The following MEGF11 variants were observed in gnomAD, a reference collection of about 807,000 sequenced individuals.
MEGF11 encodes multiple epidermal growth factor-like domains protein 11.
MEGF11 carries 126 observed loss-of-function variants against 146.6 expected under a neutral mutation model. That is an observed-to-expected ratio of 0.86 (90% CI 0.74 to 1.00). The LOEUF is 1.00. Ranked by LOEUF, MEGF11 falls within the 50% of genes least tolerant of loss-of-function variation. The probability of loss-of-function intolerance (pLI) is 0.00; values close to 1 mark genes in which losing one functional copy is unlikely to be tolerated. For synonymous variants in MEGF11, 532 were observed against 583.4 expected (o/e 0.91, Z 1.27); for missense variants, 1,509 against 1,521.2 (o/e 0.99, Z 0.13).
chr15:66,018,692 C>T (rs80101462), intron 5 of MEGF11, among the ~76,000 whole-genome samples: 1 of 64,868 alleles, frequency 1.5e-5, no homozygotes, highest in African/African-American at 4.2e-5. Flanking sequence ...CAAGTGTGCA[C>T]CTGTGCATGA....
At position 66,232,717 on chromosome 15, in the gene MEGF11, A is replaced by G. The variant is rs16949704; in HGVS notation, c.-9+20888T>C. On this transcript the variant is annotated intron_variant, in intron 1 of 25. Transcript: ENST00000395614. ...TGATTAGGGTCATGCGCCAAATGAAATGAGTGCCTATGAGGGAAAAGGAAA... is the reference window on the plus strand; with the variant it reads ...TGATTAGGGTCATGCGCCAAATGAAGTGAGTGCCTATGAGGGAAAAGGAAA... 4.0e-3 allele frequency among the ~76,000 whole-genome samples: 606 copies of G among 152,252 alleles called. 17 individuals are homozygous for G. In the East Asian group the frequency reaches 0.078, roughly 20 times the overall value.
At chr15:66,208,563 G>C (rs186853164) in intron 1 of MEGF11, among the ~76,000 whole-genome samples, 30 of 152,236 alleles carry the variant, frequency 2.0e-4, no homozygotes, top group African/African-American at 5.5e-4. Context: ...GGACAGGAGA[G>C]GATGAGATTG....
intron 1 of MEGF11, among the ~76,000 whole-genome samples, chr15:66,251,199 T>A (rs984828575): frequency 2.6e-5 from 4 of 152,220 alleles, no homozygotes; most frequent in African/African-American, 9.6e-5. Flanking sequence ...GTGCTGTGCT[T>A]TGACCAGCCG....
intron 5 of MEGF11, among the ~76,000 whole-genome samples, chr15:66,029,022 G>A (rs1195127745): frequency 6.6e-6 from 1 of 152,198 alleles, no homozygotes; most frequent in Non-Finnish European, 1.5e-5. Context: ...GGGGAGAAGG[G>A]TGATGTTTGG....
At chr15:65,965,622 T>TC (rs2081062585) in intron 8 of MEGF11, among the ~76,000 whole-genome samples, 6 of 138,472 alleles carry the variant, frequency 4.3e-5, no homozygotes, top group Admixed American at 7.3e-5. Flanking sequence ...TCTTTTTTTT[T>TC]TTTTTGGCTC....
intron 1 of MEGF11, among the ~76,000 whole-genome samples, chr15:66,232,893 G>C (rs886799011): frequency 6.6e-6 from 1 of 152,312 alleles, no homozygotes; most frequent in Non-Finnish European, 1.5e-5. Context: ...GAGGCTCAGA[G>C]AGGTTAACTA....
chr15:66,235,553 A>T (rs1197286854), intron 1 of MEGF11, among the ~76,000 whole-genome samples: 1 of 151,896 alleles, frequency 6.6e-6, no homozygotes, highest in Non-Finnish European at 1.5e-5. Context: ...CATGGCCAAG[A>T]GGGAGAATAG....
chr15:66,118,039 T>C (rs964210303), intron 4 of MEGF11, among the ~76,000 whole-genome samples: 7 of 152,264 alleles, frequency 4.6e-5, no homozygotes, highest in Non-Finnish European at 7.4e-5. Context: ...GTGCGAACTC[T>C]CTCTACCCAC....
At chr15:66,014,572 AC>A (rs1282443870) in intron 5 of MEGF11, among the ~76,000 whole-genome samples, 1 of 152,244 alleles carries the variant, frequency 6.6e-6, no homozygotes, top group African/African-American at 2.4e-5. Context: ...GGCACGAAAA[AC>A]CGCTTTGAGA....
At chr15:65,959,997 T>C (rs1047755052) in intron 9 of MEGF11, among the ~76,000 whole-genome samples, 16 of 152,226 alleles carry the variant, frequency 1.1e-4, no homozygotes, top group African/African-American at 2.9e-4. Context: ...TGCTAAGAGA[T>C]GTATTCAGTT....
intron 1 of MEGF11, among the ~76,000 whole-genome samples, chr15:66,169,953 G>T (rs2090202302): frequency 6.6e-6 from 1 of 151,882 alleles, no homozygotes; most frequent in South Asian, 2.1e-4. Context: ...ACTGCATAAA[G>T]TGTCCTTCTG....
At chr15:66,207,058 T>C (rs1250572710) in intron 1 of MEGF11, among the ~76,000 whole-genome samples, 1 of 152,000 alleles carries the variant, frequency 6.6e-6, no homozygotes, top group African/African-American at 2.4e-5. Flanking sequence ...CAGAAAGCCA[T>C]AATACGCCAT....
intron 4 of MEGF11, among the ~76,000 whole-genome samples, chr15:66,118,594 T>G (rs900107083): frequency 9.2e-5 from 14 of 152,208 alleles, no homozygotes; most frequent in African/African-American, 2.4e-4. Context: ...CATCTCATCT[T>G]TGCCCCCATC....
intron 7 of MEGF11, 37 bp downstream of exon 7, chr15:65,980,741 C>A: frequency 6.4e-7 from 1 of 1,553,198 alleles, no homozygotes; most frequent in Admixed American, 2.0e-5. Flanking sequence ...AGGCTCAGCC[C>A]TCCAGTGCCC....
At chr15:66,078,853 T>C (rs138421460) in intron 5 of MEGF11, among the ~76,000 whole-genome samples, 1 of 152,342 alleles carries the variant, frequency 6.6e-6, no homozygotes, top group Non-Finnish European at 1.5e-5. Context: ...GTGTGTCATT[T>C]ATTTATTCAT....
At chr15:66,085,856 G>T (rs1170470591) in intron 5 of MEGF11, among the ~76,000 whole-genome samples, 1 of 152,182 alleles carries the variant, frequency 6.6e-6, no homozygotes, top group Non-Finnish European at 1.5e-5. Flanking sequence ...AATTCAGGAG[G>T]TTATTAAGCT....
At position 65,897,898 on chromosome 15, in the gene MEGF11, C is replaced by G. The variant is rs2078388119; in HGVS notation, c.*36G>C. On this transcript the variant is annotated 3_prime_UTR_variant, in exon 26 of 26. Coordinates refer to ENST00000395614, the MANE Select transcript of MEGF11 (RefSeq NM_001385028.1). ...TGTCTTCTTTCAGAGTCAGAATATT[C>G]AGTAGAGCACACTGCAAGAGAGAAG... 1.3e-6 allele frequency: 2 copies of G among 1,591,880 alleles called. No individual in the cohort carries two copies. Among genetic ancestry groups the G allele is most frequent in the African/African-American group, 1.3e-5 (1 of 74,220 alleles).
chr15:66,108,661 C>T (rs1466044838), intron 4 of MEGF11, among the ~76,000 whole-genome samples: 1 of 152,144 alleles, frequency 6.6e-6, no homozygotes, highest in African/African-American at 2.4e-5. Context: ...GGAACAGGAA[C>T]TGCCAAGGCT....
intron 5 of MEGF11, among the ~76,000 whole-genome samples, chr15:66,089,360 C>G (rs1781896372): frequency 6.6e-6 from 1 of 152,176 alleles, no homozygotes; most frequent in Non-Finnish European, 1.5e-5. Flanking sequence ...TTATCCTGCA[C>G]TTTGTCCTAA....
Sources: allele counts gnomAD v4.1 joint callset (sites outside exome capture counted in the v4.1 genomes callset), GRCh38; gene constraint gnomAD v4.1.1; transcripts MANE v1.5; gene names NCBI Gene and HGNC (gene_info 2026-07-23, HGNC 2026-07-21).